Variants in IPPK observed in about 807,000 individuals in gnomAD.
The protein encoded by IPPK is inositol-pentakisphosphate 2-kinase, also known as IPK1 homolog.
A neutral mutation model predicts 64.6 loss-of-function variants in IPPK; 22 were observed. The ratio of observed to expected loss-of-function variants is 0.34; its 90% CI spans 0.24 to 0.49. The LOEUF is 0.49. Among genes scored for constraint, IPPK ranks in the 20% least tolerant of loss-of-function variants. The probability of loss-of-function intolerance (pLI) is 0.99; values close to 1 mark genes in which losing one functional copy is unlikely to be tolerated. For synonymous variants in IPPK, 262 were observed against 247.2 expected, an observed-to-expected ratio of 1.06 and a Z score of -0.56; for missense variants, 532 against 630.7, an observed-to-expected ratio of 0.84 and a Z score of 1.68.
At chr9:92,653,945 CATGCCGACTCTGG>C (rs1261067263) in intron 3 of IPPK, among the ~76,000 whole-genome samples, 1 of 152,242 alleles carries the variant, frequency 6.6e-6, no homozygotes, top group Non-Finnish European at 1.5e-5. Flanking sequence ...AAAAGGCACG[CATGCCGACTCTGG>C]ATGCCTCGCG....
chr9:92,629,063 G>A (rs1232104200), intron 11 of IPPK, among the ~76,000 whole-genome samples: 1 of 152,120 alleles, frequency 6.6e-6, no homozygotes, highest in Non-Finnish European at 1.5e-5. Context: ...ACTTCAGCCT[G>A]TGTGACAGAG....
rs551801807 is a variant in IPPK at position 92,668,207 on chromosome 9, G to A, written c.81+1701C>T. ...CGCTTGAACCTGGGAGGCGGAGGTTGCAGTGAGCCGAGATCGCGCCACTGC... is the reference window on the plus strand; with the variant it reads ...CGCTTGAACCTGGGAGGCGGAGGTTACAGTGAGCCGAGATCGCGCCACTGC... On this transcript the variant is annotated intron_variant, in intron 1 of 12. Transcript: ENST00000287996. 1.9e-3 allele frequency among the ~76,000 whole-genome samples: 294 copies of A among 152,332 alleles called. 1 individual carries two copies. The highest frequency in any genetic ancestry group is 0.01 in the Middle Eastern group (3 of 294).
chr9:92,636,453 A>G (rs1000629648), intron 9 of IPPK, among the ~76,000 whole-genome samples: 3 of 152,022 alleles, frequency 2.0e-5, no homozygotes, highest in Admixed American at 1.3e-4. Context: ...CCCGGACAAC[A>G]TGGAGAAACC....
At chr9:92,628,917 T>C (rs1851781663) in intron 11 of IPPK, among the ~76,000 whole-genome samples, 1 of 151,898 alleles carries the variant, frequency 6.6e-6, no homozygotes, top group Non-Finnish European at 1.5e-5. Context: ...GACAACTGTA[T>C]ATCTACATGC....
At chr9:92,664,305 T>G (rs1057193265) in intron 1 of IPPK, among the ~76,000 whole-genome samples, 1 of 152,154 alleles carries the variant, frequency 6.6e-6, no homozygotes, top group Non-Finnish European at 1.5e-5. Context: ...CAAAGCACAT[T>G]TGACACCGGA....
intron 12 of IPPK, chr9:92,618,315 T>C (rs1441948171): frequency 2.2e-6 from 1 of 456,696 alleles, no homozygotes; most frequent in Non-Finnish European, 4.4e-6. Flanking sequence ...CCCCTCCTAG[T>C]GTCGTTTCTG....
intron 7 of IPPK, among the ~76,000 whole-genome samples, chr9:92,641,589 C>T (rs1253169096): frequency 6.6e-6 from 1 of 152,262 alleles, no homozygotes; most frequent in Admixed American, 6.5e-5. Flanking sequence ...CACCGCCAGA[C>T]TCGCTGAAGC....
At chr9:92,619,374 T>G in intron 12 of IPPK, 112 bp downstream of exon 12, 1 of 830,558 alleles carries the variant, frequency 1.2e-6, no homozygotes, top group South Asian at 1.5e-5. Context: ...GTTATGTCAC[T>G]CCGCCATGGA....
At chr9:92,653,823 G>A (rs1365489239) in intron 3 of IPPK, among the ~76,000 whole-genome samples, 2 of 152,226 alleles carry the variant, frequency 1.3e-5, no homozygotes, top group Non-Finnish European at 2.9e-5. Context: ...CAGCCTGGGC[G>A]ACAGAGCGAG....
chr9:92,650,790 C>T (rs1852252219), intron 4 of IPPK, among the ~76,000 whole-genome samples: 1 of 152,172 alleles, frequency 6.6e-6, no homozygotes, highest in Non-Finnish European at 1.5e-5. Context: ...GAGGGGGCTG[C>T]AGGCTCTACC....
At chr9:92,627,892 C>T (rs890442934) in intron 11 of IPPK, among the ~76,000 whole-genome samples, 2 of 152,004 alleles carry the variant, frequency 1.3e-5, no homozygotes, top group South Asian at 2.1e-4. Context: ...AAATTGGAAA[C>T]GAAGAAGCAA....
At chr9:92,642,924 T>G in intron 6 of IPPK, 114 bp from the exon 7 acceptor site, 1 of 877,740 alleles carries the variant, frequency 1.1e-6, no homozygotes, top group Non-Finnish European at 1.9e-6. Flanking sequence ...AGCTGCAGCC[T>G]TGCCCCGGAA....
intron 1 of IPPK, among the ~76,000 whole-genome samples, chr9:92,660,642 G>A (rs1564042266): frequency 6.6e-6 from 1 of 152,180 alleles, no homozygotes; most frequent in Non-Finnish European, 1.5e-5. Flanking sequence ...GGAGTTCAGT[G>A]GGCCCATGAA....
rs1851565757 is a variant in IPPK, at chr9:92,619,732, G to A, written c.1171-167C>T. ...AGCACGGGCGTCAGGAGGTCGCCCT[G>A]TGAGAGCACCTGGGCCAGCCCTCAG... On this transcript the variant is annotated intron_variant, in intron 11 of 12. Transcript: ENST00000287996. The A allele has an allele frequency of 1.1e-5, 7 of 645,188 alleles. No individual in the cohort carries two copies. The South Asian group carries it at 1.2e-4, about 11-fold the overall frequency. 40.0% of individuals were successfully genotyped at this position (645,188 alleles called of 1,614,324 possible). A position where few individuals can be genotyped will look rare whatever the true frequency, so the allele number is the denominator to read the frequency against.
chr9:92,655,947 C>T (rs1852363992), intron 3 of IPPK, among the ~76,000 whole-genome samples: 2 of 152,300 alleles, frequency 1.3e-5, no homozygotes, highest in South Asian at 2.1e-4. Context: ...GGCTGGCAAT[C>T]TTAGTCCCAT....
Position 92,649,534 on chromosome 9 carries a change from G to T in IPPK, c.333C>A (p.Tyr111Ter). Residue 111 changes from tyrosine to a stop codon, truncating the protein, a stop_gained, in exon 5 of 13, where the codon TAC becomes TAA. Coordinates refer to ENST00000287996, the MANE Select transcript of IPPK (RefSeq NM_022755.6). LOFTEE classifies it high-confidence loss of function. ...CDKDLDTLSG[Y>*]AMCLPNLTRL... ...TGGTTAAATTAGGAAGGCACATAGC[G>T]TAACCACTGAGAGTATCCAGGTCCT... The T allele has an allele frequency of 6.2e-7, 1 of 1,614,094 alleles. No homozygotes were observed. Among genetic ancestry groups the T allele is most frequent in the Non-Finnish European group, 8.5e-7 (1 of 1,180,004 alleles).
intron 1 of IPPK, among the ~76,000 whole-genome samples, chr9:92,664,971 G>A (rs573231439): frequency 2.6e-4 from 40 of 152,274 alleles, no homozygotes; most frequent in African/African-American, 9.4e-4. Flanking sequence ...ACAAACCCCC[G>A]TGCACGAGAG....
chr9:92,613,534 C>T lies in IPPK; in HGVS notation c.*2298G>A, dbSNP rs1170994678. The T allele has an allele frequency of 4.6e-6, 1 of 218,508 alleles. No homozygotes were observed. The highest frequency in any genetic ancestry group is 2.3e-5 in the African/African-American group (1 of 43,748). The allele number at this position is 218,508 out of a possible 1,614,324, so 13.5% of individuals were successfully genotyped here. A position where few individuals can be genotyped will look rare whatever the true frequency, so the allele number is the denominator to read the frequency against. On this transcript the variant is annotated 3_prime_UTR_variant, in exon 13 of 13. Coordinates refer to ENST00000287996, the MANE Select transcript of IPPK (RefSeq NM_022755.6). ...AAGCCACCCTTATCCTGGTTCCTGCCTCCTGGGGGCTCTGGAGACGGATGC... is the reference window on the plus strand; with the variant it reads ...AAGCCACCCTTATCCTGGTTCCTGCTTCCTGGGGGCTCTGGAGACGGATGC...
At chr9:92,640,897 A>T in intron 7 of IPPK, 115 bp from the exon 8 acceptor site, 1 of 759,986 alleles carries the variant, frequency 1.3e-6, no homozygotes, top group Non-Finnish European at 2.4e-6. Context: ...GCCGCTGGGA[A>T]ACCCAGAGTC....
Sources: allele counts gnomAD v4.1 joint callset (sites outside exome capture counted in the v4.1 genomes callset), GRCh38; gene constraint gnomAD v4.1.1; transcripts MANE v1.5; gene names NCBI Gene and HGNC (gene_info 2026-07-23, HGNC 2026-07-21).